Variants in SESN3 observed in about 807,000 individuals in gnomAD.
The protein encoded by SESN3 is sestrin-3.
In SESN3, 21 loss-of-function variants were observed where a neutral mutation model predicts 55.3. That is an observed-to-expected ratio of 0.38 (90% CI 0.27 to 0.55). The LOEUF is 0.55. Among genes scored for constraint, SESN3 ranks in the 20% least tolerant of loss-of-function variants. The probability of loss-of-function intolerance (pLI) is 0.76; values close to 1 mark genes in which losing one functional copy is unlikely to be tolerated. For missense variants in SESN3, 408 were observed against 604.3 expected (o/e 0.68, Z 3.41); for synonymous variants, 181 against 203.1 (o/e 0.89, Z 0.93).
chr11:95,175,688 T>C lies in SESN3; in HGVS notation c.1248-46A>G, dbSNP rs569343620. On this transcript the variant is annotated intron_variant, in intron 8 of 9. Coordinates refer to ENST00000536441, the MANE Select transcript of SESN3 (RefSeq NM_144665.4). ...GCTTTATAATGACAAAATCAAAATA[T>C]TTAGTTTCCAAAGTTATACTAAGGA... The C allele has an allele frequency of 1.0e-4, 155 of 1,514,016 alleles. 2 individuals carry two copies. In the South Asian group the frequency reaches 1.7e-3, roughly 17 times the overall value. 93.8% of individuals were successfully genotyped at this position (1,514,016 alleles called of 1,614,324 possible). A position where few individuals can be genotyped will look rare whatever the true frequency, so the allele number is the denominator to read the frequency against.
intron 1 of SESN3, among the ~76,000 whole-genome samples, chr11:95,218,821 T>C (rs1480989515): frequency 6.6e-6 from 1 of 152,124 alleles, no homozygotes; most frequent in Non-Finnish European, 1.5e-5. Context: ...CGCTAATTTT[T>C]TGCATTTTGT....
At chr11:95,199,740 G>A (rs938395430) in intron 1 of SESN3, among the ~76,000 whole-genome samples, 1 of 151,778 alleles carries the variant, frequency 6.6e-6, no homozygotes, top group Non-Finnish European at 1.5e-5. Context: ...TATTAAAAGT[G>A]GAAAAGCAAA....
intron 1 of SESN3, chr11:95,204,867 T>C (rs1179478728): frequency 6.6e-6 from 1 of 152,112 alleles, no homozygotes; most frequent in East Asian, 1.9e-4. Flanking sequence ...TACTTGAAAA[T>C]ACAAAGATAA....
Position 95,171,306 on chromosome 11 carries a change from A to G in SESN3, c.*1949T>C, listed in dbSNP as rs1214449250. On this transcript the variant is annotated 3_prime_UTR_variant, in exon 10 of 10. Transcript: ENST00000536441. The stretch of plus-strand genomic sequence containing the variant: ...GTTAACATATGGCATATGCAATAAA[A>G]CAGACGAGATATGGCACAAGTTCTC... 7 of 152,182 alleles carry G rather than the reference A, an allele frequency of 4.6e-5. No homozygotes were observed. The East Asian group carries it at 1.3e-3, about 29-fold the overall frequency. 9.4% of individuals were successfully genotyped at this position (152,182 alleles called of 1,614,324 possible).
chr11:95,191,566 G>A lies in SESN3; in HGVS notation c.180C>T (p.Asn60=). The A allele has an allele frequency of 1.2e-6, 2 of 1,612,726 alleles. No homozygotes were observed. Among genetic ancestry groups the A allele is most frequent in the South Asian group, 2.2e-5 (2 of 91,056 alleles). ...ATGTAGAGTATTCTTCCACAAGAAA[G>A]TTAGTACGTTCATCCACTGTGTTTG... ...VQANTVDERT[N]FLVEEYSTSG... The change falls in exon 3 of 10, where the codon AAC becomes AAT. Residue 60 remains asparagine (N), a synonymous_variant. Transcript: ENST00000536441.
At chr11:95,208,296 G>A (rs1444055128) in intron 1 of SESN3, among the ~76,000 whole-genome samples, 2 of 151,216 alleles carry the variant, frequency 1.3e-5, no homozygotes, top group South Asian at 2.1e-4. Flanking sequence ...GCTCCAGCAC[G>A]AAGTATTACT....
At chr11:95,180,927 C>G (rs936729626) in intron 6 of SESN3, among the ~76,000 whole-genome samples, 1 of 152,036 alleles carries the variant, frequency 6.6e-6, no homozygotes, top group Non-Finnish European at 1.5e-5. Context: ...TTATACTTTC[C>G]TTAATTCAGT....
intron 1 of SESN3, among the ~76,000 whole-genome samples, chr11:95,216,847 C>T (rs1369280561): frequency 6.6e-6 from 1 of 151,832 alleles, no homozygotes; most frequent in Non-Finnish European, 1.5e-5. Context: ...GTGGCTCACA[C>T]CTGTAATCCC....
In SESN3 at chr11:95,172,817, G is replaced by C. The variant is rs1000833763; in HGVS notation, c.*438C>G. ...ACATTAAAGTTTTAGAATGGCCAGA[G>C]AGGTCACTCTTTGCTGAATTCCAAT... On this transcript the variant is annotated 3_prime_UTR_variant, in exon 10 of 10. Transcript: ENST00000536441. 1 of 154,224 alleles carries C rather than the reference G, an allele frequency of 6.5e-6. No individual in the cohort carries two copies. Among genetic ancestry groups the C allele is most frequent in the African/African-American group, 2.4e-5 (1 of 41,354 alleles). The allele number at this position is 154,224 out of a possible 1,614,324, so 9.6% of individuals were successfully genotyped here. A position where few individuals can be genotyped will look rare whatever the true frequency, so the allele number is the denominator to read the frequency against.
At chr11:95,229,892 T>C (rs1266882413) in intron 1 of SESN3, among the ~76,000 whole-genome samples, 1 of 152,216 alleles carries the variant, frequency 6.6e-6, no homozygotes. Context: ...AAACTGATTA[T>C]AATATTACTT....
chr11:95,191,654 T>G, intron 2 of SESN3, 53 bp from the exon 3 acceptor site: 1 of 1,379,634 alleles, frequency 7.2e-7, no homozygotes, highest in Non-Finnish European at 1.0e-6. Context: ...AAACACACCC[T>G]TGGTTTAAAT....
chr11:95,188,748 T>C (rs569027593), intron 4 of SESN3, among the ~76,000 whole-genome samples: 1 of 152,080 alleles, frequency 6.6e-6, no homozygotes, highest in South Asian at 2.1e-4. Flanking sequence ...TACACTGTTG[T>C]ACTGTGATTA....
At chr11:95,215,425 T>C (rs915482797) in intron 1 of SESN3, among the ~76,000 whole-genome samples, 32 of 152,166 alleles carry the variant, frequency 2.1e-4, no homozygotes, top group Non-Finnish European at 3.5e-4. Context: ...AATGAAACAT[T>C]TTAAATAAAA....
Position 95,177,787 on chromosome 11 carries a change from A to G in SESN3, c.1179T>C (p.His393=), listed in dbSNP as rs747143626. ...YNLTYNTMAT[H]EDVDTTMLRR... ...GCAGCATGGTTGTGTCAACATCCTC[A>G]TGGGTGGCCATAGTGTTATATGTGA... Residue 393 remains histidine (H), a synonymous_variant, in exon 8 of 10, where the codon CAT becomes CAC. Transcript: ENST00000536441. The G allele has an allele frequency of 6.2e-7, 1 of 1,611,310 alleles. No homozygotes were observed. Among genetic ancestry groups the G allele is most frequent in the Admixed American group, 1.7e-5 (1 of 59,296 alleles).
At chr11:95,188,733 ATTCATACACT>A (rs916757223) in intron 4 of SESN3, among the ~76,000 whole-genome samples, 2 of 151,864 alleles carry the variant, frequency 1.3e-5, no homozygotes, top group African/African-American at 4.8e-5. Context: ...TTATTCATAC[ATTCATACACT>A]GTTGTACTGT....
chr11:95,231,261 C>T (rs1432309127), upstream of SESN3: 6 of 393,942 alleles, frequency 1.5e-5, no homozygotes, highest in Non-Finnish European at 2.7e-5. Context: ...ACCGCCCCTC[C>T]CGCCAATCGG....
chr11:95,219,305 C>T (rs1472172103), intron 1 of SESN3, among the ~76,000 whole-genome samples: 1 of 151,904 alleles, frequency 6.6e-6, no homozygotes, highest in Non-Finnish European at 1.5e-5. Flanking sequence ...GCTTAAATGC[C>T]TTTTATTTTT....
At chr11:95,225,011 G>A (rs919576641) in intron 1 of SESN3, among the ~76,000 whole-genome samples, 1 of 152,136 alleles carries the variant, frequency 6.6e-6, no homozygotes, top group Non-Finnish European at 1.5e-5. Flanking sequence ...TTAAAAAGAT[G>A]CACACAAAAA....
At chr11:95,192,804 G>C (rs1243901720) in intron 2 of SESN3, among the ~76,000 whole-genome samples, 1 of 152,028 alleles carries the variant, frequency 6.6e-6, no homozygotes, top group Non-Finnish European at 1.5e-5. Context: ...CAACTACAGG[G>C]ACCAAGACAG....
Sources: gnomAD v4.1 joint callset for allele counts (sites outside exome capture counted in the v4.1 genomes callset) on GRCh38, gnomAD v4.1.1 for gene constraint, MANE v1.5 for transcripts, NCBI Gene and HGNC (gene_info 2026-07-23, HGNC 2026-07-21) for gene names.